IL17RD: variants seen among roughly 807,000 people sequenced by gnomAD.
IL17RD encodes the protein interleukin-17 receptor D.
A neutral mutation model predicts 80.5 loss-of-function variants in IL17RD; 52 were observed. That is an observed-to-expected ratio of 0.65 (90% CI 0.52 to 0.81). The LOEUF (loss-of-function observed/expected upper bound fraction) is 0.81, where lower values mean the gene tolerates loss of function less well. Among genes scored for constraint, IL17RD ranks in the 40% least tolerant of loss-of-function variants. The pLI is 0.00. For missense variants in IL17RD, 1,024 were observed against 955.1 expected (o/e 1.07, Z -0.95); for synonymous variants, 416 against 391.8 (o/e 1.06, Z -0.73).
intron 5 of IL17RD, among the ~76,000 whole-genome samples, chr3:57,108,939 G>A (rs1366385772): frequency 6.6e-6 from 1 of 152,096 alleles, no homozygotes; most frequent in East Asian, 1.9e-4. Context: ...CATGTGCTGT[G>A]CCTGGTAATG....
At chr3:57,097,194 T>C (rs1281557412) in intron 12 of IL17RD, among the ~76,000 whole-genome samples, 1 of 151,482 alleles carries the variant, frequency 6.6e-6, no homozygotes, top group African/African-American at 2.4e-5. Flanking sequence ...CCAGACTCAA[T>C]GAATGTAGCT....
intron 2 of IL17RD, among the ~76,000 whole-genome samples, chr3:57,119,698 T>C (rs1707293297): frequency 6.6e-6 from 1 of 151,516 alleles, no homozygotes; most frequent in African/African-American, 2.4e-5. Context: ...AGATTCACCT[T>C]GTGTGAATTT....
At chr3:57,101,439 G>T in intron 10 of IL17RD, 76 bp from the exon 11 acceptor site, 1 of 972,660 alleles carries the variant, frequency 1.0e-6, no homozygotes, top group Non-Finnish European at 1.5e-6. Flanking sequence ...GAAACCCAGT[G>T]CTATCTTCAA....
intron 1 of IL17RD, among the ~76,000 whole-genome samples, chr3:57,157,805 C>T (rs541011961): frequency 3.9e-5 from 6 of 152,288 alleles, no homozygotes; most frequent in East Asian, 1.9e-4. Context: ...CACACCTCTT[C>T]GTTCCAAGGA....
intron 1 of IL17RD, among the ~76,000 whole-genome samples, chr3:57,161,446 A>G (rs78211437): frequency 0.013 from 1,990 of 152,322 alleles, 38 homozygotes; most frequent in African/African-American, 0.045. Context: ...ACCTTTTGTG[A>G]TGAAGTATTT....
Position 57,165,208 on chromosome 3 carries a change from C to A in IL17RD, c.79G>T (p.Ala27Ser). 1 of 1,530,080 alleles carries A rather than the reference C, an allele frequency of 6.5e-7. No individual in the cohort carries two copies. The highest frequency in any genetic ancestry group is 2.6e-5 in the East Asian group (1 of 38,676). 94.8% of individuals were successfully genotyped at this position (1,530,080 alleles called of 1,614,324 possible). Residue 27 changes from alanine to serine, a missense_variant, in exon 1 of 13, where the codon GCT becomes TCT. By Grantham distance (99) the Ala-to-Ser change is moderately conservative. Coordinates refer to ENST00000296318, the MANE Select transcript of IL17RD (RefSeq NM_017563.5). The stretch of plus-strand genomic sequence containing the variant: ...CCCCGCGCGCGGCCGGACCCGCCAG[C>A]GGCCACAGCCAGCTGCGAGCCGTTG... ...CLNGSQLAVA[A>S]GGSGRARGAD...
At position 57,092,020 on chromosome 3, in the gene IL17RD, T is replaced by C. The variant is rs1021680435; in HGVS notation, c.*4373A>G. 1.3e-5 allele frequency: 2 copies of C among 152,592 alleles called. No homozygotes were observed. The highest frequency in any genetic ancestry group is 2.9e-5 in the Non-Finnish European group (2 of 68,032). 9.5% of individuals were successfully genotyped at this position (152,592 alleles called of 1,614,324 possible). On this transcript the variant is annotated 3_prime_UTR_variant, in exon 13 of 13. Coordinates refer to ENST00000296318, the MANE Select transcript of IL17RD (RefSeq NM_017563.5). Reference sequence around the variant, plus strand: ...ATGGCAAGGATGACCCAACACCCCATTTGGACTCCTAACTGATATCTCAGT... The same window carrying C: ...ATGGCAAGGATGACCCAACACCCCACTTGGACTCCTAACTGATATCTCAGT...
chr3:57,168,957 A>T (rs1302546730), upstream of IL17RD, among the ~76,000 whole-genome samples: 1 of 152,180 alleles, frequency 6.6e-6, no homozygotes, highest in Non-Finnish European at 1.5e-5. Flanking sequence ...ATGCCAGGTG[A>T]TCCACCCACC....
chr3:57,109,530 T>A lies in IL17RD; in HGVS notation c.550+7A>T, dbSNP rs893324049. ...CATGGGAACCAGGCAGGAAAGGCCA[T>A]ACTCACCTCGGGTTCTAAAGAAGAA... On this transcript the variant is annotated splice_region_variant and intron_variant, in intron 5 of 12. Coordinates refer to ENST00000296318, the MANE Select transcript of IL17RD (RefSeq NM_017563.5). The A allele has an allele frequency of 6.2e-7, 1 of 1,612,526 alleles. No individual in the cohort carries two copies. Among genetic ancestry groups the A allele is most frequent in the African/African-American group, 1.3e-5 (1 of 74,782 alleles).
intron 1 of IL17RD, 186 bp downstream of exon 1, chr3:57,164,975 A>C: frequency 1.5e-6 from 2 of 1,318,268 alleles, no homozygotes; most frequent in Non-Finnish European, 9.6e-7. Context: ...CATCTCGGCC[A>C]GGGCCGGAGG....
intron 11 of IL17RD, 55 bp from the exon 12 acceptor site, chr3:57,098,593 G>T: frequency 8.4e-7 from 1 of 1,193,484 alleles, no homozygotes; most frequent in Non-Finnish European, 1.2e-6. Context: ...AGAGGCTCGG[G>T]AAGTGAGTAA....
chr3:57,100,794 CTCTT>C (rs949412704), intron 11 of IL17RD, among the ~76,000 whole-genome samples: 23 of 152,232 alleles, frequency 1.5e-4, no homozygotes, highest in African/African-American at 5.1e-4. Context: ...TTGCCACTCT[CTCTT>C]TGACTCTCCA....
chr3:57,147,370 T>C (rs1707954560), intron 1 of IL17RD, among the ~76,000 whole-genome samples: 1 of 152,192 alleles, frequency 6.6e-6, no homozygotes, highest in Admixed American at 6.5e-5. Flanking sequence ...TCTCAATAAA[T>C]GGTAGCAAAT....
chr3:57,132,095 G>A (rs761152211), intron 1 of IL17RD, among the ~76,000 whole-genome samples: 33 of 151,004 alleles, frequency 2.2e-4, no homozygotes, highest in South Asian at 4.2e-4. Context: ...CTGAGGCAGG[G>A]GGATCGCTTG....
intron 1 of IL17RD, among the ~76,000 whole-genome samples, chr3:57,124,396 A>G (rs1707404840): frequency 6.6e-6 from 1 of 152,172 alleles, no homozygotes; most frequent in Non-Finnish European, 1.5e-5. Flanking sequence ...GGGTTATCCA[A>G]GTGGGCCCAA....
upstream of IL17RD, among the ~76,000 whole-genome samples, chr3:57,168,709 TTTGTTG>T (rs1184926514): frequency 6.6e-6 from 1 of 152,172 alleles, no homozygotes; most frequent in Non-Finnish European, 1.5e-5. Context: ...TGTTGTTGTT[TTTGTTG>T]TTGTTTGTTT....
chr3:57,148,003 AG>A (rs1403307338), intron 1 of IL17RD, among the ~76,000 whole-genome samples: 3 of 151,102 alleles, frequency 2.0e-5, no homozygotes, highest in Non-Finnish European at 4.4e-5. Flanking sequence ...CCTGATCGAA[AG>A]AAGTCAAGTT....
At chr3:57,108,494 C>A (rs1381205034) in intron 5 of IL17RD, among the ~76,000 whole-genome samples, 2 of 96,534 alleles carry the variant, frequency 2.1e-5, no homozygotes, top group African/African-American at 4.1e-5. Context: ...TTAATCTAAT[C>A]GTTTTGATAC....
chr3:57,164,978 G>C, intron 1 of IL17RD, 183 bp downstream of exon 1: 3 of 1,331,014 alleles, frequency 2.3e-6, no homozygotes, highest in Non-Finnish European at 2.9e-6. Context: ...CTCGGCCAGG[G>C]CCGGAGGACA....
Sources: allele counts gnomAD v4.1 joint callset (sites outside exome capture counted in the v4.1 genomes callset), GRCh38; gene constraint gnomAD v4.1.1; transcripts MANE v1.5; gene names NCBI Gene and HGNC (gene_info 2026-07-23, HGNC 2026-07-21).